The following RNF216 variants were observed in gnomAD, a reference collection of about 807,000 sequenced individuals.
RNF216 encodes the protein E3 ubiquitin-protein ligase RNF216.
In RNF216, 72 loss-of-function variants were observed where a neutral mutation model predicts 110.8. The observed-to-expected ratio is 0.65, with a 90% CI of 0.54 to 0.79. The LOEUF (loss-of-function observed/expected upper bound fraction) is 0.79, where lower values mean the gene tolerates loss of function less well. Ranked by LOEUF, RNF216 falls within the 30% of genes least tolerant of loss-of-function variation. The pLI, the probability that RNF216 is intolerant of heterozygous loss-of-function variation, is 0.00. For synonymous variants in RNF216, 495 were observed against 407.5 expected (o/e 1.21, Z -2.59); for missense variants, 1,342 against 1,141.2 (o/e 1.18, Z -2.54).
At chr7:5,683,635 C>A (rs937086784) in intron 13 of RNF216, among the ~76,000 whole-genome samples, 4 of 152,168 alleles carry the variant, frequency 2.6e-5, no homozygotes, top group Non-Finnish European at 4.4e-5. Flanking sequence ...TTTGAGTGCA[C>A]ACTTAACCTG....
rs1350226815 is a variant in RNF216 at position 5,710,895 on chromosome 7, T to C, written c.2061+866A>G. On this transcript the variant is annotated intron_variant, in intron 13 of 16. Coordinates refer to ENST00000389902, the MANE Select transcript of RNF216 (RefSeq NM_207111.4). The stretch of plus-strand genomic sequence containing the variant: ...AAGAGCTGCAAGATGCCAGCGACTG[T>C]TGTGACAATTGTTATAGCAACAGCC... Among the ~76,000 whole-genome samples the C allele has an allele frequency of 3.3e-5, 5 of 152,228 alleles. No homozygotes were observed. The South Asian group carries it at 6.2e-4, about 19-fold the overall frequency.
At chr7:5,654,245 C>T (rs117892683) in intron 13 of RNF216, among the ~76,000 whole-genome samples, 1,591 of 146,900 alleles carry the variant, frequency 0.011, 18 homozygotes, top group Non-Finnish European at 0.016. Context: ...AGAGATGAGT[C>T]GCCGTGCCTG....
chr7:5,779,493 C>T (rs1796956550), intron 1 of RNF216, among the ~76,000 whole-genome samples: 1 of 151,966 alleles, frequency 6.6e-6, no homozygotes, highest in South Asian at 2.1e-4. Context: ...AGCAAGCCGA[C>T]TAAATTGAGA....
At chr7:5,632,503 A>G (rs1431910379) in intron 15 of RNF216, among the ~76,000 whole-genome samples, 3 of 152,210 alleles carry the variant, frequency 2.0e-5, no homozygotes, top group African/African-American at 7.2e-5. Flanking sequence ...GCAAGGGCTC[A>G]AAAGAACAAG....
chr7:5,658,058 C>T (rs990756230), intron 13 of RNF216, among the ~76,000 whole-genome samples: 2 of 152,200 alleles, frequency 1.3e-5, no homozygotes, highest in Non-Finnish European at 2.9e-5. Context: ...GCACACACGG[C>T]AGGGGAGCAT....
chr7:5,693,953 G>A (rs150299579), intron 13 of RNF216, among the ~76,000 whole-genome samples: 1 of 152,282 alleles, frequency 6.6e-6, no homozygotes, highest in African/African-American at 2.4e-5. Context: ...TTCACTTGCT[G>A]TTGTTGACCA....
At chr7:5,628,724 TTGCTCAG>T (rs1468234595) in intron 15 of RNF216, among the ~76,000 whole-genome samples, 1 of 151,846 alleles carries the variant, frequency 6.6e-6, no homozygotes, top group Non-Finnish European at 1.5e-5. Context: ...TTTCACCATG[TTGCTCAG>T]GCTAGTCTTG....
In RNF216 at chr7:5,755,553, G is replaced by A. The variant is rs148970395; in HGVS notation, c.68-2574C>T. On this transcript the variant is annotated intron_variant, in intron 2 of 16. Transcript: ENST00000389902. ...CCTCAAAGGGAGGATTTCTAATTGC[G>A]CAGATAAGTTTTGCATGTTTTTGAG... Among the ~76,000 whole-genome samples the A allele has an allele frequency of 2.4e-3, 368 of 152,186 alleles. 1 individual carries two copies. The highest frequency in any genetic ancestry group is 8.4e-3 in the African/African-American group (350 of 41,508).
At chr7:5,737,522 AAATAAT>A (rs112378505) in intron 5 of RNF216, among the ~76,000 whole-genome samples, 9,400 of 148,632 alleles carry the variant, frequency 0.063, 400 homozygotes, top group Non-Finnish European at 0.09. Flanking sequence ...GATCAATTAA[AAATAAT>A]AATAATAATA....
At position 5,715,198 on chromosome 7, in the gene RNF216, C is replaced by T; in HGVS notation, c.1696-8G>A. 2 of 1,611,524 alleles carry T rather than the reference C, an allele frequency of 1.2e-6. No homozygotes were observed. Among genetic ancestry groups the T allele is most frequent in the Non-Finnish European group, 1.7e-6 (2 of 1,179,352 alleles). On this transcript the variant is annotated splice_polypyrimidine_tract_variant and splice_region_variant and intron_variant, in intron 10 of 16. Coordinates refer to ENST00000389902, the MANE Select transcript of RNF216 (RefSeq NM_207111.4). ...CTCAATCAGCTGGCCATCCTGCAGG[C>T]AGTCAAGAAACACACATGAAATGTC...
intron 15 of RNF216, among the ~76,000 whole-genome samples, chr7:5,629,067 C>T (rs1279987072): frequency 6.6e-6 from 1 of 151,756 alleles, no homozygotes; most frequent in Admixed American, 6.6e-5. Context: ...GGTGTGGTGG[C>T]GTGTGCCTGT....
Position 5,622,729 on chromosome 7 carries a change from G to T in RNF216, c.*131C>A. On this transcript the variant is annotated 3_prime_UTR_variant, in exon 17 of 17. Coordinates refer to ENST00000389902, the MANE Select transcript of RNF216 (RefSeq NM_207111.4). Reference sequence around the variant, plus strand: ...CAGTAGCCCTTCTAGGAAAGGGGTGGGAAGAAAACCAGCCTACCCTTCAAG... The same window carrying T: ...CAGTAGCCCTTCTAGGAAAGGGGTGTGAAGAAAACCAGCCTACCCTTCAAG... 1.1e-6 allele frequency: 1 copy of T among 882,600 alleles called. No homozygotes were observed. The highest frequency in any genetic ancestry group is 1.7e-6 in the Non-Finnish European group (1 of 578,790). The allele number at this position is 882,600 out of a possible 1,614,324, so 54.7% of individuals were successfully genotyped here.
At chr7:5,702,649 G>A (rs940827124) in intron 13 of RNF216, among the ~76,000 whole-genome samples, 1 of 152,192 alleles carries the variant, frequency 6.6e-6, no homozygotes, top group Non-Finnish European at 1.5e-5. Context: ...AAGGGAAGAG[G>A]ATGTGCTTGC....
intron 13 of RNF216, among the ~76,000 whole-genome samples, chr7:5,666,165 CAAAAAAAA>C (rs575439935): frequency 3.1e-5 from 2 of 65,494 alleles, no homozygotes; most frequent in African/African-American, 4.8e-5. Context: ...GACTCCGTCT[CAAAAAAAA>C]AAAAAAAAAA....
At chr7:5,723,186 T>TGG (rs1793542402) in intron 8 of RNF216, among the ~76,000 whole-genome samples, 2 of 152,298 alleles carry the variant, frequency 1.3e-5, no homozygotes, top group African/African-American at 2.4e-5. Context: ...ATTAAAGCAC[T>TGG]TAGAAAAGTG....
At chr7:5,692,480 C>T (rs1181895607) in intron 13 of RNF216, among the ~76,000 whole-genome samples, 1 of 152,216 alleles carries the variant, frequency 6.6e-6, no homozygotes, top group Admixed American at 6.5e-5. Flanking sequence ...AAAAGCCATA[C>T]TAATTCCCGC....
At chr7:5,776,359 G>A (rs890190735) in intron 1 of RNF216, among the ~76,000 whole-genome samples, 18 of 151,714 alleles carry the variant, frequency 1.2e-4, no homozygotes, top group African/African-American at 3.6e-4. Context: ...CAAGGCGGGC[G>A]GATCACGAGG....
At chr7:5,641,407 G>A in intron 14 of RNF216, 31 bp from the exon 15 acceptor site, 2 of 1,563,150 alleles carry the variant, frequency 1.3e-6, no homozygotes, top group Non-Finnish European at 1.8e-6. Flanking sequence ...TTGGAGCTGG[G>A]AGGGAAGATG....
intron 13 of RNF216, among the ~76,000 whole-genome samples, chr7:5,682,419 T>C (rs1302829223): frequency 1.3e-5 from 2 of 151,684 alleles, no homozygotes; most frequent in Non-Finnish European, 2.9e-5. Context: ...TTTCTTTTTT[T>C]TTTTTTTTGA....
Sources: gnomAD v4.1 joint callset for allele counts (sites outside exome capture counted in the v4.1 genomes callset) on GRCh38, gnomAD v4.1.1 for gene constraint, MANE v1.5 for transcripts, NCBI Gene and HGNC (gene_info 2026-07-23, HGNC 2026-07-21) for gene names.